The following CTDSP1 variants were observed in gnomAD, a reference collection of about 807,000 sequenced individuals.
CTDSP1 encodes carboxy-terminal domain RNA polymerase II polypeptide A small phosphatase 1.
A neutral mutation model predicts 32.5 loss-of-function variants in CTDSP1; 15 were observed. That is an observed-to-expected ratio of 0.46 (90% confidence interval 0.31 to 0.71). CTDSP1 has a LOEUF of 0.71. Among genes scored for constraint, CTDSP1 ranks in the 30% least tolerant of loss-of-function variants. The pLI is 0.05. For missense variants in CTDSP1, 294 were observed against 351.1 expected (o/e 0.84, Z 1.30); for synonymous variants, 185 against 145.4 (o/e 1.27, Z -1.96).
At chr2:218,401,018 T>C in intron 1 of CTDSP1, 1 of 439,322 alleles carries the variant, frequency 2.3e-6, no homozygotes, top group South Asian at 1.6e-5. Flanking sequence ...GCTGCTGGGC[T>C]CCAGGTCGGA....
chr2:218,398,299 G>A, upstream of CTDSP1: 1 of 963,548 alleles, frequency 1.0e-6, no homozygotes, highest in Non-Finnish European at 1.6e-6. Flanking sequence ...TTCCTCATCT[G>A]TGAAATGGGT....
At chr2:218,398,418 G>A (rs1696931173), upstream of CTDSP1, 1 of 1,535,302 alleles carries the variant, frequency 6.5e-7, no homozygotes. Context: ...GCGCAATGGT[G>A]GCCGCCCCGT....
chr2:218,397,046 C>G (rs1452765979), upstream of CTDSP1, among the ~76,000 whole-genome samples: 2 of 152,062 alleles, frequency 1.3e-5, no homozygotes, highest in East Asian at 3.9e-4. Flanking sequence ...CAGGACAGCC[C>G]AGGAGGAATG....
intron 4 of CTDSP1, chr2:218,402,762 C>G (rs1478470414): frequency 1.4e-6 from 1 of 735,540 alleles, no homozygotes; most frequent in Admixed American, 1.9e-5. Flanking sequence ...CCCCTGGATT[C>G]CTGCACTAGG....
At chr2:218,399,691 G>A (rs1439533606), upstream of CTDSP1, 8 of 974,118 alleles carry the variant, frequency 8.2e-6, no homozygotes, top group Non-Finnish European at 8.5e-6. Flanking sequence ...GCCGGCGGGC[G>A]GCAGGAAGGG....
chr2:218,398,361 G>A, upstream of CTDSP1: 5 of 1,499,804 alleles, frequency 3.3e-6, no homozygotes, highest in African/African-American at 2.8e-5. Flanking sequence ...CGCAGCCAGA[G>A]CAGGCCTAGG....
Position 218,405,667 on chromosome 2 carries a change from C to G in CTDSP1, c.*1242C>G, listed in dbSNP as rs1323540716. 6.5e-6 allele frequency: 1 copy of G among 153,066 alleles called. No homozygotes were observed. The highest frequency in any genetic ancestry group is 2.4e-5 in the African/African-American group (1 of 41,472). The allele number at this position is 153,066 out of a possible 1,614,324, so 9.5% of individuals were successfully genotyped here. ...GGCTGGGGGCAGCTCCCAGGATATCCTGCCTTCCAACTGTTTCTGAAGCCC... is the reference window on the plus strand; with the variant it reads ...GGCTGGGGGCAGCTCCCAGGATATCGTGCCTTCCAACTGTTTCTGAAGCCC... On this transcript the variant is annotated 3_prime_UTR_variant, in exon 7 of 7. Transcript: ENST00000273062.
At chr2:218,399,622 C>A, upstream of CTDSP1, 3 of 668,512 alleles carry the variant, frequency 4.5e-6, no homozygotes, top group Non-Finnish European at 5.6e-6. Flanking sequence ...GGGCGCTCGG[C>A]GGCCTGGAAC....
upstream of CTDSP1, chr2:218,399,788 G>C (rs1288799939): frequency 1.3e-5 from 14 of 1,090,604 alleles, no homozygotes; most frequent in Non-Finnish European, 1.6e-5. Context: ...AGTGGCGAAA[G>C]CCGCAGCCGA....
chr2:218,397,615 T>C (rs1696885816), upstream of CTDSP1, among the ~76,000 whole-genome samples: 1 of 152,182 alleles, frequency 6.6e-6, no homozygotes, highest in Non-Finnish European at 1.5e-5. Context: ...TTCTGACTTG[T>C]GGCCCCCATG....
At chr2:218,396,860 CAA>C (rs1696815683), upstream of CTDSP1, 1 of 152,520 alleles carries the variant, frequency 6.6e-6, no homozygotes, top group Non-Finnish European at 1.5e-5. Flanking sequence ...GGGAGGGCGG[CAA>C]AGTCCCGAAT....
chr2:218,401,056 G>A, intron 1 of CTDSP1: 2 of 411,136 alleles, frequency 4.9e-6, no homozygotes, highest in Non-Finnish European at 9.9e-6. Flanking sequence ...GCAAACAGAT[G>A]GCCACTGGAC....
intron 4 of CTDSP1, chr2:218,402,639 A>G (rs763172887): frequency 3.9e-6 from 3 of 765,598 alleles, no homozygotes; most frequent in Non-Finnish European, 7.3e-6. Flanking sequence ...CCCTCGCCCC[A>G]CCCTGCCCGG....
chr2:218,399,156 G>C (rs969990473), upstream of CTDSP1: 1 of 152,268 alleles, frequency 6.6e-6, no homozygotes, highest in Non-Finnish European at 1.5e-5. Flanking sequence ...TACGCGAAAG[G>C]AACAGCGCGT....
At chr2:218,397,864 CG>C (rs1341236000), upstream of CTDSP1, among the ~76,000 whole-genome samples, 6 of 152,158 alleles carry the variant, frequency 3.9e-5, no homozygotes, top group Non-Finnish European at 7.4e-5. Flanking sequence ...CTACCTCTGC[CG>C]CTTTGGGAGC....
chr2:218,399,802 C>T (rs959645056), upstream of CTDSP1: 9 of 1,128,834 alleles, frequency 8.0e-6, no homozygotes, highest in African/African-American at 9.7e-5. Context: ...CAGCCGAGTC[C>T]AGGTCACGCC....
intron 4 of CTDSP1, 106 bp from the exon 5 acceptor site, chr2:218,402,929 T>G (rs1216066017): frequency 7.4e-6 from 6 of 809,964 alleles, no homozygotes; most frequent in Non-Finnish European, 1.3e-5. Context: ...GCGGGCCCAG[T>G]CTCCTTCCTG....
Position 218,403,265 on chromosome 2 carries a change from T to C in CTDSP1, c.505T>C (p.Trp169Arg), listed in dbSNP as rs1697249247. The change falls in exon 6 of 7, where the codon TGG becomes CGG. Residue 169 changes from tryptophan to arginine, a missense_variant. Physicochemically the swap from Trp to Arg is moderately radical, Grantham distance 101 (BLOSUM62 -3). Coordinates refer to ENST00000273062, the MANE Select transcript of CTDSP1 (RefSeq NM_021198.3). The part of the protein sequence containing the change: ...ADPVADLLDK[W>R]GAFRARLFRE... ...CCCAGTAGCTGACCTGCTGGACAAA[T>C]GGGGGGCCTTCCGGGCCCGGCTGTT... is the stretch of plus-strand genomic sequence containing the variant. 2.5e-6 allele frequency: 4 copies of C among 1,613,556 alleles called. No individual in the cohort carries two copies. The highest frequency in any genetic ancestry group is 1.7e-5 in the Admixed American group (1 of 59,956).
chr2:218,398,440 G>A (rs1696932202), upstream of CTDSP1: 1 of 1,534,652 alleles, frequency 6.5e-7, no homozygotes, highest in Non-Finnish European at 8.7e-7. Flanking sequence ...GGCTACCCAG[G>A]AGCAGGAGGA....
Sources: gnomAD v4.1 joint callset for allele counts (sites outside exome capture counted in the v4.1 genomes callset) on GRCh38, gnomAD v4.1.1 for gene constraint, MANE v1.5 for transcripts, NCBI Gene and HGNC (gene_info 2026-07-23, HGNC 2026-07-21) for gene names.